CSNK1G3: variants seen among roughly 807,000 people sequenced by gnomAD.
CSNK1G3 encodes the protein casein kinase I isoform gamma-3.
A neutral mutation model predicts 64.3 loss-of-function variants in CSNK1G3; 23 were observed. That is an observed-to-expected ratio of 0.36 (90% CI 0.26 to 0.51). The LOEUF (loss-of-function observed/expected upper bound fraction) is 0.51. Among genes scored for constraint, CSNK1G3 ranks in the 20% least tolerant of loss-of-function variants. The probability of loss-of-function intolerance (pLI) is 0.96; values close to 1 mark genes in which losing one functional copy is unlikely to be tolerated. For missense variants in CSNK1G3, 357 were observed against 510.5 expected, an observed-to-expected ratio of 0.70 and a Z score of 2.90; for synonymous variants, 158 against 162.2, an observed-to-expected ratio of 0.97 and a Z score of 0.20.
At chr5:123,520,325 C>T (rs2149959561) in intron 1 of CSNK1G3, among the ~76,000 whole-genome samples, 1 of 152,048 alleles carries the variant, frequency 6.6e-6, no homozygotes, top group Admixed American at 6.5e-5. Context: ...TAAATCCATC[C>T]ATCTTCTGGA....
exon 4 of CSNK1G3, chr5:123,557,521 G>A (rs1208404254): frequency 6.2e-7 from 1 of 1,608,098 alleles, no homozygotes; most frequent in Non-Finnish European, 8.5e-7. Context: ...GAGCACCACA[G>A]CTACATTTGG....
In CSNK1G3 at chr5:123,523,078, T is replaced by A. The variant is rs182734981; in HGVS notation, c.-248+10508T>A. ...ATATTTATCATATTTACAATATCAT[T>A]GAGCTGTATTTTTTATGGAACATCA... On this transcript the variant is annotated intron_variant, in intron 1 of 12. Coordinates refer to ENST00000345990, the Ensembl canonical transcript of CSNK1G3. Among the ~76,000 whole-genome samples the A allele has an allele frequency of 6.4e-4, 97 of 152,328 alleles. No individual in the cohort carries two copies. The East Asian group carries it at 0.017, about 26-fold the overall frequency.
intron 1 of CSNK1G3, among the ~76,000 whole-genome samples, chr5:123,535,300 G>A (rs1247247431): frequency 6.6e-6 from 1 of 151,972 alleles, no homozygotes. Context: ...TATCATTGTC[G>A]CATGTTATAA....
At chr5:123,580,313 A>G (rs753366033) in intron 6 of CSNK1G3, among the ~76,000 whole-genome samples, 1 of 151,932 alleles carries the variant, frequency 6.6e-6, no homozygotes, top group Non-Finnish European at 1.5e-5. Flanking sequence ...GTTTGTAAGT[A>G]TTTTTCCTTT....
intron 4 of CSNK1G3, among the ~76,000 whole-genome samples, chr5:123,568,450 A>G (rs1266934781): frequency 6.6e-6 from 1 of 152,158 alleles, no homozygotes; most frequent in Non-Finnish European, 1.5e-5. Context: ...TGTTGTGTAA[A>G]ATAAGAGAAG....
At chr5:123,587,646 C>T (rs545327756) in intron 6 of CSNK1G3, among the ~76,000 whole-genome samples, 1 of 152,230 alleles carries the variant, frequency 6.6e-6, no homozygotes, top group East Asian at 1.9e-4. Flanking sequence ...GTTTTGTGCT[C>T]ATATAACTTT....
chr5:123,593,830 A>G (rs1460384868), intron 10 of CSNK1G3, among the ~76,000 whole-genome samples: 1 of 152,074 alleles, frequency 6.6e-6, no homozygotes, highest in Non-Finnish European at 1.5e-5. Context: ...GTCTACTTGA[A>G]TTTTACATCT....
intron 10 of CSNK1G3, among the ~76,000 whole-genome samples, chr5:123,591,689 T>C (rs1253475617): frequency 6.6e-6 from 1 of 152,108 alleles, no homozygotes; most frequent in Non-Finnish European, 1.5e-5. Context: ...TGAATTGTAA[T>C]AACACTTGGA....
chr5:123,529,342 C>G (rs1309479187), intron 1 of CSNK1G3, among the ~76,000 whole-genome samples: 1 of 152,116 alleles, frequency 6.6e-6, no homozygotes. Context: ...TTTGCAGTGA[C>G]TTTATAAAAC....
chr5:123,556,764 TTGTG>T (rs5871049), intron 3 of CSNK1G3, among the ~76,000 whole-genome samples: 1,708 of 148,802 alleles, frequency 0.011, 39 homozygotes, highest in African/African-American at 0.035. Context: ...CTGTACATGT[TTGTG>T]TGTGTGTGTG....
intron 1 of CSNK1G3, among the ~76,000 whole-genome samples, chr5:123,517,808 C>T (rs1777431150): frequency 6.6e-6 from 1 of 151,626 alleles, no homozygotes; most frequent in Admixed American, 6.6e-5. Flanking sequence ...AAATGATTTC[C>T]TTTTTAGGCT....
intron 8 of CSNK1G3, among the ~76,000 whole-genome samples, chr5:123,589,669 A>G (rs1791976225): frequency 6.6e-6 from 1 of 151,698 alleles, no homozygotes; most frequent in African/African-American, 2.4e-5. Context: ...CTAATTGCTC[A>G]CCATTTTGCC....
chr5:123,512,785 C>G (rs1327323365), intron 1 of CSNK1G3, among the ~76,000 whole-genome samples: 2 of 149,612 alleles, frequency 1.3e-5, no homozygotes, highest in African/African-American at 4.9e-5. Flanking sequence ...GGGCCGCGGT[C>G]GGAGGCTGAG....
chr5:123,535,326 A>G (rs1022083169), intron 1 of CSNK1G3, among the ~76,000 whole-genome samples: 1 of 152,124 alleles, frequency 6.6e-6, no homozygotes, highest in Non-Finnish European at 1.5e-5. Context: ...TATTATTCTT[A>G]TAATCCCCCA....
intron 1 of CSNK1G3, among the ~76,000 whole-genome samples, chr5:123,534,968 C>T (rs776484055): frequency 3.3e-5 from 5 of 152,110 alleles, no homozygotes; most frequent in Non-Finnish European, 5.9e-5. Context: ...AATTTGAGAA[C>T]GAATAACTCC....
chr5:123,571,083 G>A (rs948093272), intron 4 of CSNK1G3, among the ~76,000 whole-genome samples: 2 of 152,156 alleles, frequency 1.3e-5, no homozygotes, highest in African/African-American at 4.8e-5. Context: ...AAGAGTGGCT[G>A]TGGTAGGAGT....
At chr5:123,570,505 C>T (rs1787883515) in intron 4 of CSNK1G3, among the ~76,000 whole-genome samples, 1 of 151,996 alleles carries the variant, frequency 6.6e-6, no homozygotes, top group Non-Finnish European at 1.5e-5. Context: ...AGGCACACGC[C>T]ACCATGCCTG....
At chr5:123,593,905 A>G (rs1048145926) in intron 10 of CSNK1G3, among the ~76,000 whole-genome samples, 5 of 152,078 alleles carry the variant, frequency 3.3e-5, no homozygotes, top group African/African-American at 9.7e-5. Flanking sequence ...TATGCTTGGC[A>G]CTTTGTGGCA....
At chr5:123,517,831 A>G (rs1777437223) in intron 1 of CSNK1G3, among the ~76,000 whole-genome samples, 1 of 151,920 alleles carries the variant, frequency 6.6e-6, no homozygotes, top group Non-Finnish European at 1.5e-5. Context: ...CTTCAGAACC[A>G]TTTATTAATT....
Sources: allele counts gnomAD v4.1 joint callset (sites outside exome capture counted in the v4.1 genomes callset), GRCh38; gene constraint gnomAD v4.1.1; transcripts MANE v1.5; gene names NCBI Gene and HGNC (gene_info 2026-07-23, HGNC 2026-07-21).